The following DCC variants were observed in gnomAD, a reference collection of about 807,000 sequenced individuals.
DCC encodes the protein netrin receptor DCC.
In DCC, 58 loss-of-function variants were observed where a neutral mutation model predicts 172.5. The observed-to-expected ratio is 0.34, with a 90% CI of 0.27 to 0.42. The LOEUF is 0.42. DCC is among the 10% of genes least tolerant of loss of function. The pLI, the probability that DCC is intolerant of heterozygous loss-of-function variation, is 1.00. For missense variants in DCC, 1,740 were observed against 1,791.0 expected (o/e 0.97, Z 0.51); for synonymous variants, 709 against 644.5 (o/e 1.10, Z -1.52).
chr18:53,346,326 T>C (rs1399928654), intron 15 of DCC, among the ~76,000 whole-genome samples: 1 of 152,146 alleles, frequency 6.6e-6, no homozygotes, highest in East Asian at 1.9e-4. Context: ...ATCTGTAAAT[T>C]TATGATTTCA....
intron 15 of DCC, among the ~76,000 whole-genome samples, chr18:53,372,223 C>T (rs1249219177): frequency 6.6e-6 from 1 of 152,040 alleles, no homozygotes; most frequent in African/African-American, 2.4e-5. Context: ...ACCTAAATGC[C>T]CATCCATGGT....
At chr18:52,564,512 A>G (rs2033109382) in intron 1 of DCC, among the ~76,000 whole-genome samples, 1 of 152,132 alleles carries the variant, frequency 6.6e-6, no homozygotes, top group African/African-American at 2.4e-5. Flanking sequence ...AGACATTTTG[A>G]CAAATTACAT....
chr18:52,369,912 C>T (rs1246715318), intron 1 of DCC, among the ~76,000 whole-genome samples: 1 of 152,116 alleles, frequency 6.6e-6, no homozygotes, highest in Non-Finnish European at 1.5e-5. Context: ...GATTGTGGCA[C>T]TAACAGTGTC....
chr18:52,524,164 G>A (rs1449886018), intron 1 of DCC, among the ~76,000 whole-genome samples: 1 of 152,120 alleles, frequency 6.6e-6, no homozygotes, highest in African/African-American at 2.4e-5. Context: ...TTAATGTGAT[G>A]CTTCATTTCT....
chr18:52,939,854 C>A (rs893230372), intron 5 of DCC, among the ~76,000 whole-genome samples: 1 of 152,036 alleles, frequency 6.6e-6, no homozygotes, highest in Non-Finnish European at 1.5e-5. Flanking sequence ...CAGGATAACC[C>A]AAATGAGCTG....
intron 2 of DCC, among the ~76,000 whole-genome samples, chr18:52,841,917 C>T (rs1472807854): frequency 2.0e-5 from 3 of 151,984 alleles, no homozygotes; most frequent in Non-Finnish European, 4.4e-5. Context: ...AATACTATAA[C>T]TGACAACCGG....
chr18:53,199,073 C>T (rs1458171470), intron 9 of DCC, among the ~76,000 whole-genome samples: 5 of 135,324 alleles, frequency 3.7e-5, no homozygotes, highest in Admixed American at 8.6e-5. Context: ...AATTTTTTTT[C>T]TTTTTCTTTT....
At chr18:52,347,876 C>T (rs1283087294) in intron 1 of DCC, among the ~76,000 whole-genome samples, 2 of 151,982 alleles carry the variant, frequency 1.3e-5, no homozygotes, top group Admixed American at 6.6e-5. Context: ...CTGTACTATA[C>T]ATATAGTGTT....
chr18:52,597,363 C>T (rs1320370041), intron 1 of DCC, among the ~76,000 whole-genome samples: 2 of 152,188 alleles, frequency 1.3e-5, no homozygotes, highest in African/African-American at 2.4e-5. Context: ...GCCTGCCCAA[C>T]TTGGTATTCA....
chr18:53,199,030 G>T (rs934346514), intron 9 of DCC, among the ~76,000 whole-genome samples: 4 of 151,596 alleles, frequency 2.6e-5, no homozygotes, highest in Admixed American at 6.6e-5. Context: ...GCTGTTAACG[G>T]TATTGATTTC....
intron 8 of DCC, among the ~76,000 whole-genome samples, chr18:53,168,377 T>C (rs1344108580): frequency 1.3e-5 from 2 of 151,948 alleles, no homozygotes. Context: ...TGGAAAACCA[T>C]GCAGCCATAA....
intron 5 of DCC, among the ~76,000 whole-genome samples, chr18:52,993,131 A>G (rs1159233124): frequency 6.6e-6 from 1 of 152,214 alleles, no homozygotes. Context: ...AAATAAAGTT[A>G]GAAAATATCT....
intron 27 of DCC, among the ~76,000 whole-genome samples, chr18:53,515,136 T>A (rs1284118543): frequency 6.6e-6 from 1 of 151,540 alleles, no homozygotes; most frequent in Non-Finnish European, 1.5e-5. Flanking sequence ...GATGCAAGGC[T>A]GGTTCAATAT....
chr18:52,890,059 C>G (rs2145419635), intron 2 of DCC, among the ~76,000 whole-genome samples: 1 of 152,178 alleles, frequency 6.6e-6, no homozygotes, highest in Middle Eastern at 3.4e-3. Flanking sequence ...CAATAAATAG[C>G]TGCTGATTTC....
chr18:52,595,842 A>G (rs190997783), intron 1 of DCC, among the ~76,000 whole-genome samples: 62 of 152,328 alleles, frequency 4.1e-4, no homozygotes, highest in African/African-American at 1.3e-3. Flanking sequence ...AGCAAGAGCA[A>G]GAGAGGACCT....
intron 1 of DCC, among the ~76,000 whole-genome samples, chr18:52,452,678 G>C (rs557733383): frequency 2.6e-5 from 4 of 152,172 alleles, no homozygotes; most frequent in Non-Finnish European, 5.9e-5. Context: ...GTACATGCAG[G>C]AAATTATACT....
Position 53,410,516 on chromosome 18 carries a change from C to A in DCC, c.3000C>A (p.Ile1000=). Residue 1000 remains isoleucine (I), a synonymous_variant, in exon 20 of 29, where the codon ATC becomes ATA. Coordinates refer to ENST00000442544, the MANE Select transcript of DCC (RefSeq NM_005215.4). The stretch of plus-strand genomic sequence containing the variant: ...TTGATGACTGGATTATGGAAACAAT[C>A]AGTGGTGATAGGCTTACTCATCAAA... ...IPIDDWIMET[I]SGDRLTHQIM... is the part of the protein sequence containing the mutation. The A allele has an allele frequency of 6.2e-7, 1 of 1,608,222 alleles. No homozygotes were observed. The highest frequency in any genetic ancestry group is 8.5e-7 in the Non-Finnish European group (1 of 1,174,662).
At chr18:52,463,853 T>A (rs1988703911) in intron 1 of DCC, among the ~76,000 whole-genome samples, 1 of 152,216 alleles carries the variant, frequency 6.6e-6, no homozygotes, top group Non-Finnish European at 1.5e-5. Context: ...GTTGATCACC[T>A]ACATTTTTAA....
chr18:52,642,564 T>C (rs1468881022), intron 1 of DCC, among the ~76,000 whole-genome samples: 2 of 152,316 alleles, frequency 1.3e-5, no homozygotes, highest in East Asian at 3.8e-4. Flanking sequence ...CAATATGCTG[T>C]GTACAAATAT....
Sources: allele counts gnomAD v4.1 joint callset (sites outside exome capture counted in the v4.1 genomes callset), GRCh38; gene constraint gnomAD v4.1.1; transcripts MANE v1.5; gene names NCBI Gene and HGNC (gene_info 2026-07-23, HGNC 2026-07-21).